Variants in ACACA observed in about 807,000 individuals in gnomAD.
The protein encoded by ACACA is acetyl-CoA carboxylase alpha, also known as acetyl-CoA carboxylase 1.
In ACACA, 103 loss-of-function variants were observed where a neutral mutation model predicts 296.1. The observed-to-expected ratio is 0.35, with a 90% CI of 0.30 to 0.41. The LOEUF (loss-of-function observed/expected upper bound fraction) is 0.41. Among genes scored for constraint, ACACA ranks in the 10% least tolerant of loss-of-function variants. The pLI is 1.00. For missense variants in ACACA, 1,554 were observed against 2,989.7 expected (o/e 0.52, Z 11.20); for synonymous variants, 953 against 1,038.6 (o/e 0.92, Z 1.58).
At chr17:37,390,187 T>C (rs1256015704) in intron 1 of ACACA, among the ~76,000 whole-genome samples, 1 of 44,668 alleles carries the variant, frequency 2.2e-5, no homozygotes, top group Non-Finnish European at 3.7e-5. Flanking sequence ...CACACACACA[T>C]TATATATAAA....
chr17:37,366,615 C>T (rs2049614609), intron 1 of ACACA, among the ~76,000 whole-genome samples: 1 of 151,826 alleles, frequency 6.6e-6, no homozygotes, highest in South Asian at 2.1e-4. Context: ...ATTACAGGCA[C>T]CTGCCACCAC....
chr17:37,274,939 A>G (rs1464166252), intron 8 of ACACA, among the ~76,000 whole-genome samples: 1 of 152,116 alleles, frequency 6.6e-6, no homozygotes, highest in Non-Finnish European at 1.5e-5. Context: ...CCCATTTAAA[A>G]GAGGTTTTAG....
At chr17:37,167,740 T>C (rs1007514069) in intron 41 of ACACA, among the ~76,000 whole-genome samples, 1 of 149,662 alleles carries the variant, frequency 6.7e-6, no homozygotes, top group Admixed American at 6.6e-5. Context: ...TTTAATACAA[T>C]TGTATCAATA....
chr17:37,337,705 G>T (rs925633547), intron 2 of ACACA, among the ~76,000 whole-genome samples: 1 of 151,638 alleles, frequency 6.6e-6, no homozygotes, highest in Non-Finnish European at 1.5e-5. Flanking sequence ...CTCCCACCTT[G>T]GCCTCCCAAA....
chr17:37,361,335 T>C (rs1056913425), intron 1 of ACACA, among the ~76,000 whole-genome samples: 2 of 151,994 alleles, frequency 1.3e-5, no homozygotes, highest in Non-Finnish European at 2.9e-5. Context: ...ACGCCAAGTC[T>C]CCCCAGGATT....
intron 35 of ACACA, among the ~76,000 whole-genome samples, chr17:37,196,372 T>C (rs896579309): frequency 2.0e-5 from 3 of 151,954 alleles, no homozygotes; most frequent in Admixed American, 2.0e-4. Context: ...ATCCAAAACA[T>C]TTCATTTTAA....
rs914433907 is a variant in ACACA at position 37,115,704 on chromosome 17, C to T, written c.6275-2439G>A. On this transcript the variant is annotated intron_variant, in intron 50 of 55. Transcript: ENST00000616317. ...AAAATACTAGATTTCATAGTATATG[C>T]AAACAGTTTCAAATGAAGATGAGTG... Among the ~76,000 whole-genome samples the T allele has an allele frequency of 7.9e-5, 12 of 151,970 alleles. No homozygotes were observed. The South Asian group carries it at 1.0e-3, about 13-fold the overall frequency.
At chr17:37,295,925 A>C (rs1032090522) in intron 3 of ACACA, among the ~76,000 whole-genome samples, 1 of 152,110 alleles carries the variant, frequency 6.6e-6, no homozygotes, top group Non-Finnish European at 1.5e-5. Flanking sequence ...ACTCCATTTC[A>C]AAAAATCAAA....
chr17:37,188,145 T>C (rs1355063151), intron 39 of ACACA, 132 bp downstream of exon 39: 3 of 908,012 alleles, frequency 3.3e-6, no homozygotes, highest in African/African-American at 1.7e-5. Context: ...CATACAATCA[T>C]TTAATCTTAT....
In ACACA at chr17:37,267,242, C is replaced by T. The variant is rs73982293; in HGVS notation, c.1120-3348G>A. On this transcript the variant is annotated intron_variant, in intron 10 of 55. Coordinates refer to ENST00000616317, the MANE Select transcript of ACACA (RefSeq NM_198834.3). ...ATCTTGCCTGGAGTAATTCATGCAGCTATAGTCATCTGGCAGCTCAACTGG... is the reference window on the plus strand; with the variant it reads ...ATCTTGCCTGGAGTAATTCATGCAGTTATAGTCATCTGGCAGCTCAACTGG... Among the ~76,000 whole-genome samples, 139 of 152,310 alleles carry T rather than the reference C, an allele frequency of 9.1e-4. 1 individual carries two copies. Among genetic ancestry groups the T allele is most frequent in the African/African-American group, 3.3e-3 (137 of 41,568 alleles).
Position 37,161,924 on chromosome 17 carries a change from A to G in ACACA, c.5206T>C (p.Phe1736Leu). The G allele has an allele frequency of 6.2e-7, 1 of 1,614,238 alleles. No individual in the cohort carries two copies. The highest frequency in any genetic ancestry group is 1.1e-5 in the South Asian group (1 of 91,090). ...GSFGPQEDLL[F>L]LRASELARAE... is the part of the protein sequence containing the mutation. ...CTAGCAAGTTCGGAAGCTCTGAGAA[A>G]TAACAAATCCTCTTGAGGCCCAAAG... Residue 1736 changes from phenylalanine to leucine, a missense_variant, in exon 42 of 56, where the codon TTT becomes CTT. Phe to Leu is a conservative substitution (Grantham distance 22, BLOSUM62 0). This residue lies in a region of ACACA where 553 missense variants were observed against 1,043.6 expected (regional missense o/e 0.53). Coordinates refer to ENST00000616317, the MANE Select transcript of ACACA (RefSeq NM_198834.3).
chr17:37,341,550 TGTG>T (rs1050553094), intron 1 of ACACA, among the ~76,000 whole-genome samples: 137 of 151,710 alleles, frequency 9.0e-4, no homozygotes, highest in African/African-American at 3.1e-3. Context: ...ATTAGCCAGG[TGTG>T]GTGGTGTGTG....
In ACACA at chr17:37,121,508, A is replaced by G; in HGVS notation, c.6139-18T>C. Reference sequence around the variant, plus strand: ...TGGATTATCTATTAGGAAAAGTCAAAGAAGACACAATTAACAACACAGCTC... The same window carrying G: ...TGGATTATCTATTAGGAAAAGTCAAGGAAGACACAATTAACAACACAGCTC... On this transcript the variant is annotated intron_variant, in intron 49 of 55. Transcript: ENST00000616317. 1 of 1,614,030 alleles carries G rather than the reference A, an allele frequency of 6.2e-7. No homozygotes were observed.
At chr17:37,089,203 A>G in intron 54 of ACACA, 129 bp from the exon 55 acceptor site, 1 of 1,357,118 alleles carries the variant, frequency 7.4e-7, no homozygotes, top group Admixed American at 1.7e-5. Context: ...CTTCACTGTC[A>G]GCATCGTGCA....
intron 5 of ACACA, among the ~76,000 whole-genome samples, chr17:37,282,285 C>T (rs1471011899): frequency 6.6e-6 from 1 of 152,220 alleles, no homozygotes; most frequent in African/African-American, 2.4e-5. Context: ...CCTACTCCCC[C>T]TTCATCTTCC....
intron 1 of ACACA, among the ~76,000 whole-genome samples, chr17:37,394,838 G>A (rs376588873): frequency 1.1e-4 from 17 of 151,416 alleles, no homozygotes; most frequent in African/African-American, 2.9e-4. Flanking sequence ...GCAGTGAGCC[G>A]AGATTGTGCC....
chr17:37,327,567 C>T (rs1457628053), intron 3 of ACACA, among the ~76,000 whole-genome samples: 2 of 152,146 alleles, frequency 1.3e-5, no homozygotes, highest in Admixed American at 6.6e-5. Context: ...GCATAAGAAC[C>T]ATCAACTTTG....
chr17:37,313,616 A>G (rs1243284093), intron 3 of ACACA, among the ~76,000 whole-genome samples: 1 of 152,276 alleles, frequency 6.6e-6, no homozygotes, highest in Non-Finnish European at 1.5e-5. Flanking sequence ...AATCAAAACT[A>G]CAATGAGATA....
At chr17:37,245,257 C>A (rs2080636679) in intron 19 of ACACA, 43 bp from the exon 20 acceptor site, 1 of 1,604,680 alleles carries the variant, frequency 6.2e-7, no homozygotes, top group African/African-American at 1.3e-5. Flanking sequence ...TCTCTCTTTA[C>A]ACAGATGAGT....
Sources: allele counts gnomAD v4.1 joint callset (sites outside exome capture counted in the v4.1 genomes callset), GRCh38; gene constraint gnomAD v4.1.1; regional missense constraint gnomAD v4.1.1; transcripts MANE v1.5; gene names NCBI Gene and HGNC (gene_info 2026-07-23, HGNC 2026-07-21).